Variants in SLC41A3 observed in about 807,000 individuals in gnomAD.
SLC41A3 encodes solute carrier family 41 member 3.
SLC41A3 carries 44 observed loss-of-function variants against 45.4 expected under a neutral mutation model. That is an observed-to-expected ratio of 0.97 (90% confidence interval 0.76 to 1.25). The LOEUF is 1.25. SLC41A3 is among the 50% of genes most tolerant of loss of function. The pLI, the probability that SLC41A3 is intolerant of heterozygous loss-of-function variation, is 0.00. For synonymous variants in SLC41A3, 256 were observed against 252.4 expected, an observed-to-expected ratio of 1.01 and a Z score of -0.13; for missense variants, 550 against 600.6, an observed-to-expected ratio of 0.92 and a Z score of 0.88.
chr3:126,060,626 T>C (rs112251202), intron 2 of SLC41A3, among the ~76,000 whole-genome samples: 1 of 152,208 alleles, frequency 6.6e-6, no homozygotes, highest in African/African-American at 2.4e-5. Flanking sequence ...ATAATGTAAC[T>C]ATATAAGAAA....
intron 3 of SLC41A3, among the ~76,000 whole-genome samples, chr3:126,044,917 A>T (rs1942861077): frequency 6.7e-6 from 1 of 148,492 alleles, no homozygotes; most frequent in Non-Finnish European, 1.5e-5. Flanking sequence ...AAAAAAAAAA[A>T]AAAAAAATCA....
At position 126,093,874 on chromosome 3, in the gene SLC41A3, A is replaced by G. The variant is rs1945542044; in HGVS notation, c.-79+7555T>C. On this transcript the variant is annotated intron_variant, in intron 1 of 9. Coordinates refer to the SLC41A3 transcript ENST00000508835. ...GTGAAATAACTATTCAGGGAAAGAA[A>G]TTTAAAGATTTGGTAGATACAGGAG... 2.0e-5 allele frequency among the ~76,000 whole-genome samples: 3 copies of G among 152,334 alleles called. No individual in the cohort carries two copies. The South Asian group carries it at 6.2e-4, about 32-fold the overall frequency.
rs1311511138 is a variant in SLC41A3 at position 126,006,862 on chromosome 3, G to A, written c.*154C>T. ...AGGCTCAGGTATCAACCCCAGAGCC[G>A]AGGTGTGTGAGAGCTACCTTAGCAG... On this transcript the variant is annotated 3_prime_UTR_variant, in exon 11 of 11. Coordinates refer to ENST00000360370, the MANE Select transcript of SLC41A3 (RefSeq NM_017836.4). The A allele has an allele frequency of 1.3e-5, 19 of 1,492,860 alleles. No homozygotes were observed. Among genetic ancestry groups the A allele is most frequent in the African/African-American group, 5.6e-5 (4 of 71,340 alleles). 92.5% of individuals were successfully genotyped at this position (1,492,860 alleles called of 1,614,324 possible).
At chr3:126,079,691 C>A (rs1270771449) in intron 1 of SLC41A3, among the ~76,000 whole-genome samples, 2 of 152,154 alleles carry the variant, frequency 1.3e-5, no homozygotes, top group East Asian at 3.9e-4. Context: ...GCAATCACTA[C>A]CAAAATACCA....
intron 3 of SLC41A3, among the ~76,000 whole-genome samples, chr3:126,044,889 C>G (rs1942849074): frequency 1.8e-5 from 1 of 56,592 alleles, no homozygotes; most frequent in Non-Finnish European, 3.4e-5. Context: ...GAGCGAGACT[C>G]CATCTCAAAA....
At chr3:126,007,536 G>C (rs1005379824) in intron 10 of SLC41A3, among the ~76,000 whole-genome samples, 2 of 152,188 alleles carry the variant, frequency 1.3e-5, no homozygotes, top group Non-Finnish European at 2.9e-5. Flanking sequence ...CTACTCATGG[G>C]ACTTTGCCGA....
intron 3 of SLC41A3, among the ~76,000 whole-genome samples, chr3:126,043,793 C>T (rs6778845): frequency 0.65 from 94,327 of 144,234 alleles, 31,756 homozygotes; most frequent in East Asian, 0.82. Flanking sequence ...GCAATCAAAA[C>T]ATATCACTGC....
upstream of SLC41A3, among the ~76,000 whole-genome samples, chr3:126,089,113 T>C (rs946270838): frequency 1.3e-5 from 2 of 152,326 alleles, no homozygotes; most frequent in African/African-American, 4.8e-5. Flanking sequence ...ATAACTGGTA[T>C]ATCCTTCCAC....
intron 3 of SLC41A3, among the ~76,000 whole-genome samples, chr3:126,034,011 G>A (rs1942005093): frequency 6.6e-6 from 1 of 152,052 alleles, no homozygotes; most frequent in Non-Finnish European, 1.5e-5. Context: ...AGGCACACAT[G>A]CATGCACACA....
At chr3:126,056,611 C>T in intron 2 of SLC41A3, 1 of 1,558,180 alleles carries the variant, frequency 6.4e-7, no homozygotes, top group Non-Finnish European at 8.7e-7. Flanking sequence ...GTGCTCCAGT[C>T]CTCTCCTCCT....
intron 1 of SLC41A3, among the ~76,000 whole-genome samples, chr3:126,093,052 T>C (rs767608047): frequency 1.3e-5 from 2 of 152,266 alleles, no homozygotes; most frequent in Admixed American, 6.5e-5. Flanking sequence ...TTCAGTTCTA[T>C]TTAGGCAAGA....
At chr3:126,022,756 T>G in intron 6 of SLC41A3, 30 bp downstream of exon 6, 1 of 1,613,300 alleles carries the variant, frequency 6.2e-7, no homozygotes, top group Non-Finnish European at 8.5e-7. Flanking sequence ...CCACGGAGCC[T>G]TTGTGTCTAT....
chr3:126,068,776 G>C (rs939587985), intron 1 of SLC41A3, among the ~76,000 whole-genome samples: 1 of 152,150 alleles, frequency 6.6e-6, no homozygotes. Flanking sequence ...AGCCTGAAGG[G>C]CATGACAAGG....
intron 6 of SLC41A3, 98 bp from the exon 7 acceptor site, chr3:126,016,973 C>T: frequency 1.4e-6 from 2 of 1,437,452 alleles, no homozygotes; most frequent in Non-Finnish European, 1.9e-6. Flanking sequence ...TGAGGACGCT[C>T]CTGTCCTCAT....
intron 6 of SLC41A3, among the ~76,000 whole-genome samples, chr3:126,021,270 TTATC>T (rs1448524557): frequency 6.6e-6 from 1 of 152,176 alleles, no homozygotes; most frequent in African/African-American, 2.4e-5. Flanking sequence ...GGGCGGGCCT[TTATC>T]TATCACATGT....
intron 2 of SLC41A3, chr3:126,056,699 G>A: frequency 1.4e-6 from 2 of 1,444,524 alleles, no homozygotes; most frequent in Non-Finnish European, 1.8e-6. Flanking sequence ...TGTGCCTGCA[G>A]AGAGTTCCCC....
chr3:126,022,018 G>T (rs1171618944), intron 6 of SLC41A3, among the ~76,000 whole-genome samples: 1 of 152,212 alleles, frequency 6.6e-6, no homozygotes, highest in Non-Finnish European at 1.5e-5. Context: ...GCATGGATGT[G>T]GGGGGCGTGA....
At chr3:126,055,839 G>A (rs1943622231) in intron 2 of SLC41A3, among the ~76,000 whole-genome samples, 1 of 152,096 alleles carries the variant, frequency 6.6e-6, no homozygotes, top group African/African-American at 2.4e-5. Context: ...CCCCAGGGCT[G>A]CAAACCTTGT....
At chr3:126,057,864 C>T (rs1021851098) in intron 2 of SLC41A3, 1 of 152,314 alleles carries the variant, frequency 6.6e-6, no homozygotes, top group African/African-American at 2.4e-5. Context: ...AACTCCAGCA[C>T]AATTCCCACT....
Sources: gnomAD v4.1 joint callset for allele counts (sites outside exome capture counted in the v4.1 genomes callset) on GRCh38, gnomAD v4.1.1 for gene constraint, MANE v1.5 for transcripts, NCBI Gene and HGNC (gene_info 2026-07-23, HGNC 2026-07-21) for gene names.